Variants in PCDHGA1 observed in about 807,000 individuals in gnomAD.
The protein encoded by PCDHGA1 is protocadherin gamma subfamily A, 1.
Under a neutral mutation model 58.0 loss-of-function variants are expected in PCDHGA1, and 32 were observed. The observed-to-expected ratio is 0.55, with a 90% CI of 0.42 to 0.74. The LOEUF (loss-of-function observed/expected upper bound fraction) is 0.74. Ranked by LOEUF, PCDHGA1 falls within the 30% of genes least tolerant of loss-of-function variation. The probability of loss-of-function intolerance (pLI) is 0.00; values close to 1 mark genes in which losing one functional copy is unlikely to be tolerated. For missense variants in PCDHGA1, 1,205 were observed against 1,182.3 expected, an observed-to-expected ratio of 1.02 and a Z score of -0.28; for synonymous variants, 498 against 501.1, an observed-to-expected ratio of 0.99 and a Z score of 0.08.
At chr5:141,372,063 G>C (rs571325193) in intron 1 of PCDHGA1, 20 of 1,613,430 alleles carry the variant, frequency 1.2e-5, no homozygotes, top group East Asian at 2.2e-5. Flanking sequence ...CGACCGCAAC[G>C]ACAATGCACC....
intron 1 of PCDHGA1, chr5:141,395,381 A>G (rs562557513): frequency 2.0e-4 from 223 of 1,094,768 alleles, no homozygotes; most frequent in African/African-American, 1.2e-3. Context: ...TGGTGTTACT[A>G]TAAAATTGAA....
Position 141,489,338 on chromosome 5 carries a change from A to T in PCDHGA1, c.2422-5469A>T, listed in dbSNP as rs1303176012. 1 of 1,608,414 alleles carries T rather than the reference A, an allele frequency of 6.2e-7. No homozygotes were observed. Among genetic ancestry groups the T allele is most frequent in the South Asian group, 1.1e-5 (1 of 90,478 alleles). ...GGCTGGGTGTCTGGGCAGCTTCGTTACTCAGTGGTGGAGGAGTCTGAGCCG... is the reference window on the plus strand; with the variant it reads ...GGCTGGGTGTCTGGGCAGCTTCGTTTCTCAGTGGTGGAGGAGTCTGAGCCG... On this transcript the variant is annotated intron_variant, in intron 1 of 3. Coordinates refer to ENST00000517417, the MANE Select transcript of PCDHGA1 (RefSeq NM_018912.3). This position sits in a 1 kb window ranked among gnomAD's most constrained non-coding sequence, Gnocchi z 4.5.
chr5:141,359,347 A>G (rs1267627880), intron 1 of PCDHGA1, among the ~76,000 whole-genome samples: 1 of 152,148 alleles, frequency 6.6e-6, no homozygotes, highest in African/African-American at 2.4e-5. Flanking sequence ...AGAGTGCCAC[A>G]TGTTTTAAAG....
intron 1 of PCDHGA1, chr5:141,360,604 G>C (rs762984696): frequency 6.2e-7 from 1 of 1,613,982 alleles, no homozygotes; most frequent in Non-Finnish European, 8.5e-7. Context: ...ACTTGACCCA[G>C]CCCTGGATTC....
intron 1 of PCDHGA1, chr5:141,352,342 G>T: frequency 6.2e-7 from 1 of 1,614,068 alleles, no homozygotes. Flanking sequence ...CCTTGGCCTT[G>T]ATCTCAGTGC....
intron 1 of PCDHGA1, among the ~76,000 whole-genome samples, chr5:141,494,135 GTCAC>G (rs1365926534): frequency 3.3e-5 from 5 of 152,202 alleles, no homozygotes; most frequent in Admixed American, 6.5e-5. Flanking sequence ...CTTCTCCTTA[GTCAC>G]AGACCATTGT....
At chr5:141,501,287 T>C (rs1025193070) in intron 2 of PCDHGA1, among the ~76,000 whole-genome samples, 1 of 96,980 alleles carries the variant, frequency 1.0e-5, no homozygotes, top group African/African-American at 4.2e-5. Context: ...GGATATTCCC[T>C]TATACACACA....
At chr5:141,495,419 C>A (rs1434107823) in intron 2 of PCDHGA1, among the ~76,000 whole-genome samples, 1 of 152,228 alleles carries the variant, frequency 6.6e-6, no homozygotes, top group Non-Finnish European at 1.5e-5. Context: ...CCGGCCCCTC[C>A]TCCCACTGTC....
intron 1 of PCDHGA1, chr5:141,382,816 TA>T: frequency 1.6e-6 from 2 of 1,275,446 alleles, no homozygotes; most frequent in Non-Finnish European, 2.2e-6. Flanking sequence ...CTCCCCTTCC[TA>T]AGACAGAGGG....
In PCDHGA1 at chr5:141,431,414, G is replaced by A. The variant is rs1184197093; in HGVS notation, c.2422-63393G>A. On this transcript the variant is annotated intron_variant, in intron 1 of 3. Coordinates refer to ENST00000517417, the MANE Select transcript of PCDHGA1 (RefSeq NM_018912.3). The surrounding 1 kb of genome is among the most constrained non-coding windows in gnomAD (Gnocchi z 4.8). ...GGTCCTTACGGCCTCCGACGGGGGC[G>A]ACCCGGTGCGCACAGGCACCGCGCG... The A allele has an allele frequency of 6.2e-7, 1 of 1,613,658 alleles. No homozygotes were observed. The highest frequency in any genetic ancestry group is 1.7e-5 in the Admixed American group (1 of 60,026).
intron 1 of PCDHGA1, chr5:141,343,739 AAT>A (rs1232254277): frequency 2.7e-4 from 77 of 282,746 alleles, no homozygotes; most frequent in African/African-American, 1.6e-3. Context: ...CAAAAATAAT[AAT>A]GTGTCTGAGA....
chr5:141,494,832 G>T lies in PCDHGA1; in HGVS notation c.2447G>T (p.Arg816Leu). 1 of 1,614,066 alleles carries T rather than the reference G, an allele frequency of 6.2e-7. No homozygotes were observed. ...CAAGCCCCGCCCAACACGGACTGGCGTTTCTCTCAGGCCCAGAGACCCGGC... is the reference window on the plus strand; with the variant it reads ...CAAGCCCCGCCCAACACGGACTGGCTTTTCTCTCAGGCCCAGAGACCCGGC... The part of the protein sequence containing the change: ...SQQAPPNTDW[R>L]FSQAQRPGTS... The change falls in exon 2 of 4, where the codon CGT becomes CTT. Residue 816 changes from arginine to leucine, a missense_variant. Transcript: ENST00000517417.
At position 141,351,492 on chromosome 5, in the gene PCDHGA1, C is replaced by A. The variant is rs62623563; in HGVS notation, c.2421+18387C>A. The stretch of plus-strand genomic sequence containing the variant: ...GCTGGAGCCCTAAACCGGGAGCAGA[C>A]AGCAGACTACAACGTCACAATCATA... On this transcript the variant is annotated intron_variant, in intron 1 of 3. Coordinates refer to ENST00000517417, the MANE Select transcript of PCDHGA1 (RefSeq NM_018912.3). 6.5e-3 allele frequency: 10,416 copies of A among 1,613,942 alleles called. 45 individuals carry two copies. Among genetic ancestry groups the A allele is most frequent in the Non-Finnish European group, 6.8e-3 (8,045 of 1,179,860 alleles).
chr5:141,417,899 C>G lies in PCDHGA1; in HGVS notation c.2422-76908C>G, dbSNP rs781294504. On this transcript the variant is annotated intron_variant, in intron 1 of 3. Transcript: ENST00000517417. ...CGCGCAGAGGCGCCGGGCCGGCCCG[C>G]GGCAGGTACTATTTCCTTTGCTGCT... 2.0e-5 allele frequency: 31 copies of G among 1,581,354 alleles called. 2 individuals carry two copies. In the South Asian group the frequency reaches 3.4e-4, roughly 17 times the overall value.
chr5:141,361,926 C>T, intron 1 of PCDHGA1: 1 of 1,607,688 alleles, frequency 6.2e-7, no homozygotes, highest in Non-Finnish European at 8.5e-7. Flanking sequence ...TGGACGCAGA[C>T]TCAGGACACA....
Position 141,431,215 on chromosome 5 carries a change from C to T in PCDHGA1, c.2422-63592C>T, listed in dbSNP as rs1225114172. On this transcript the variant is annotated intron_variant, in intron 1 of 3. Transcript: ENST00000517417. The surrounding 1 kb of genome is among the most constrained non-coding windows in gnomAD (Gnocchi z 4.8). ...AAAATGCAGCCACTGAGATGCGGTT[C>T]CCTCTACCCCACGCCTGGGATCCGG... is the stretch of plus-strand genomic sequence containing the variant. 2.5e-6 allele frequency: 4 copies of T among 1,614,066 alleles called. No homozygotes were observed. The highest frequency in any genetic ancestry group is 1.3e-5 in the African/African-American group (1 of 74,942).
At chr5:141,403,945 A>C in intron 1 of PCDHGA1, 3 of 1,613,926 alleles carry the variant, frequency 1.9e-6, no homozygotes, top group Non-Finnish European at 2.5e-6. Flanking sequence ...AAGGGTGGAC[A>C]AAAGTGCTCA....
rs1193417991 is a variant in PCDHGA1 at position 141,491,413 on chromosome 5, G to C, written c.2422-3394G>C. 5.0e-6 allele frequency: 8 copies of C among 1,613,946 alleles called. No individual in the cohort carries two copies. Among genetic ancestry groups the C allele is most frequent in the African/African-American group, 1.3e-5 (1 of 74,906 alleles). ...CCTTCAGGGAAACGCAGACGGGGAC[G>C]GGGGTGGAGGGCAGTGCTGCAGGCG... On this transcript the variant is annotated intron_variant, in intron 1 of 3. Transcript: ENST00000517417. The surrounding 1 kb of genome is among the most constrained non-coding windows in gnomAD (Gnocchi z 6.9).
chr5:141,418,832 G>A, intron 1 of PCDHGA1: 1 of 1,614,008 alleles, frequency 6.2e-7, no homozygotes, highest in Non-Finnish European at 8.5e-7. Flanking sequence ...AAAAGACCGA[G>A]GATCTCTCTC....
Sources: gnomAD v4.1 joint callset for allele counts (sites outside exome capture counted in the v4.1 genomes callset) on GRCh38, gnomAD v4.1.1 for gene constraint, Gnocchi (gnomAD v3.1) non-coding constraint, MANE v1.5 for transcripts, NCBI Gene and HGNC (gene_info 2026-07-23, HGNC 2026-07-21) for gene names.